Variants in ALDH9A1 observed in about 807,000 individuals in gnomAD.
The protein encoded by ALDH9A1 is aldehyde dehydrogenase 9 family member A1, also known as 4-trimethylaminobutyraldehyde dehydrogenase.
In ALDH9A1, 42 loss-of-function variants were observed where a neutral mutation model predicts 56.6. The ratio of observed to expected loss-of-function variants is 0.74; its 90% CI spans 0.58 to 0.96. ALDH9A1 has a LOEUF of 0.96. Among genes scored for constraint, ALDH9A1 ranks in the 40% least tolerant of loss-of-function variants. The pLI, the probability that ALDH9A1 is intolerant of heterozygous loss-of-function variation, is 0.00. For synonymous variants in ALDH9A1, 242 were observed against 236.0 expected (o/e 1.03, Z -0.23); for missense variants, 661 against 651.5 (o/e 1.01, Z -0.16).
At position 165,683,036 on chromosome 1, in the gene ALDH9A1, A is replaced by ATCG; in HGVS notation, c.401_402insCGA (p.Asp135dup). 2 of 1,613,808 alleles carry ATCG rather than the reference A, an allele frequency of 1.2e-6. No individual in the cohort carries two copies. On this transcript the variant is annotated inframe_insertion, in exon 3 of 11. Transcript: ENST00000354775. ...ACTCCAGGCACTGCCAGGAAATGTC[A>ATCG]ATGTCCAAGCGGGCCTCAAAGATGG...
At chr1:165,697,109 C>T (rs182984440) in intron 1 of ALDH9A1, among the ~76,000 whole-genome samples, 134 of 152,292 alleles carry the variant, frequency 8.8e-4, no homozygotes, top group Non-Finnish European at 1.6e-3. Flanking sequence ...ATAAACACAA[C>T]ACAAAACCAA....
intron 3 of ALDH9A1, 121 bp from the exon 4 acceptor site, chr1:165,682,362 C>T (rs1649579062): frequency 9.6e-7 from 1 of 1,046,798 alleles, no homozygotes; most frequent in African/African-American, 1.6e-5. Flanking sequence ...CCCAATACAC[C>T]AGGCTCACCC....
intron 6 of ALDH9A1, among the ~76,000 whole-genome samples, chr1:165,675,061 A>G (rs888328214): frequency 5.3e-5 from 8 of 152,174 alleles, no homozygotes; most frequent in Non-Finnish European, 1.0e-4. Context: ...TGGGTGTGGT[A>G]GCGCATGCCT....
At chr1:165,682,935 T>A (rs761098383) in intron 3 of ALDH9A1, 46 bp downstream of exon 3, 2 of 1,600,624 alleles carry the variant, frequency 1.2e-6, no homozygotes, top group Non-Finnish European at 1.7e-6. Context: ...GGCCCTGCTC[T>A]TCTGCCTCAT....
chr1:165,673,623 G>A (rs189513568), intron 6 of ALDH9A1, among the ~76,000 whole-genome samples: 36 of 152,154 alleles, frequency 2.4e-4, no homozygotes, highest in African/African-American at 6.7e-4. Context: ...ACCTTTTGTC[G>A]GAACTCAGAG....
At chr1:165,696,318 C>G (rs1650082494) in intron 1 of ALDH9A1, among the ~76,000 whole-genome samples, 1 of 152,186 alleles carries the variant, frequency 6.6e-6, no homozygotes, top group Non-Finnish European at 1.5e-5. Flanking sequence ...CTGCCCTCTA[C>G]TATTTTACAG....
rs763984836 is a variant in ALDH9A1 at position 165,679,441 on chromosome 1, C to A, written c.930+1G>T. 3.1e-6 allele frequency: 5 copies of A among 1,614,008 alleles called. No individual in the cohort carries two copies. The East Asian group carries it at 8.9e-5, about 29-fold the overall frequency. On this transcript the variant is annotated splice_donor_variant, in intron 6 of 10. Coordinates refer to ENST00000354775, the MANE Select transcript of ALDH9A1 (RefSeq NM_000696.4). LOFTEE classifies it high-confidence loss of function. ...CACCTCTTCCAGGGACAGGTACATA[C>A]CTGGCCTTGTGTGAGGAAGTTGGCC...
At chr1:165,689,535 G>C (rs1649819468) in intron 2 of ALDH9A1, among the ~76,000 whole-genome samples, 1 of 152,200 alleles carries the variant, frequency 6.6e-6, no homozygotes, top group African/African-American at 2.4e-5. Context: ...ATGAATCTCA[G>C]AAGTTTAGGG....
intron 10 of ALDH9A1, among the ~76,000 whole-genome samples, chr1:165,664,455 A>G (rs1321704429): frequency 2.6e-5 from 4 of 152,244 alleles, no homozygotes; most frequent in Admixed American, 6.5e-5. Flanking sequence ...ATGTCTGACT[A>G]TAAAATGAAT....
chr1:165,684,934 T>G (rs1220663438), intron 2 of ALDH9A1, among the ~76,000 whole-genome samples: 1 of 152,136 alleles, frequency 6.6e-6, no homozygotes, highest in Non-Finnish European at 1.5e-5. Context: ...CAGAGAAAAT[T>G]CAGTTAATTA....
At chr1:165,683,905 T>C (rs1649630939) in intron 2 of ALDH9A1, among the ~76,000 whole-genome samples, 1 of 152,184 alleles carries the variant, frequency 6.6e-6, no homozygotes, top group African/African-American at 2.4e-5. Flanking sequence ...AAGTAGGCAG[T>C]TGCTATTATG....
In ALDH9A1 at chr1:165,662,955, A is replaced by T; in HGVS notation, c.*95T>A. ...CTTATACTGAACGCCAAAATTCTGG[A>T]TGTAAAATAACATTCAGTTGTACTG... On this transcript the variant is annotated 3_prime_UTR_variant, in exon 11 of 11. Transcript: ENST00000354775. 1.8e-6 allele frequency: 2 copies of T among 1,112,560 alleles called. No homozygotes were observed. Among genetic ancestry groups the T allele is most frequent in the Non-Finnish European group, 2.7e-6 (2 of 730,408 alleles). 68.9% of individuals were successfully genotyped at this position (1,112,560 alleles called of 1,614,324 possible). A position where few individuals can be genotyped will look rare whatever the true frequency, so the allele number is the denominator to read the frequency against.
In ALDH9A1 at chr1:165,680,612, C is replaced by T. The variant is rs1159112109; in HGVS notation, c.664G>A (p.Glu222Lys). The T allele has an allele frequency of 6.2e-7, 1 of 1,614,152 alleles. No homozygotes were observed. Among genetic ancestry groups the T allele is most frequent in the Non-Finnish European group, 8.5e-7 (1 of 1,180,018 alleles). Residue 222 changes from glutamate to lysine, a missense_variant, in exon 5 of 11, where the codon GAG becomes AAG. Glu to Lys is a moderately conservative substitution (Grantham distance 56). Coordinates refer to ENST00000354775, the MANE Select transcript of ALDH9A1 (RefSeq NM_000696.4). ...AAGAGCCCAGGAGGTACACCAGCCT[C>T]ACTGTAGATTTCAGCCAGTAGCAAT... ...SALLLAEIYS[E>K]AGVPPGLFNV...
chr1:165,676,889 T>C (rs1335829415), intron 6 of ALDH9A1: 1 of 242,196 alleles, frequency 4.1e-6, no homozygotes, highest in Non-Finnish European at 7.9e-6. Flanking sequence ...AAAGCAGATT[T>C]TAATTGTGTC....
intron 6 of ALDH9A1, among the ~76,000 whole-genome samples, chr1:165,674,110 C>A (rs2101740947): frequency 6.6e-6 from 1 of 152,112 alleles, no homozygotes. Flanking sequence ...ACATACCCAT[C>A]AGCACCATGA....
intron 1 of ALDH9A1, among the ~76,000 whole-genome samples, chr1:165,695,885 C>T (rs1412754625): frequency 6.8e-6 from 1 of 147,458 alleles, no homozygotes; most frequent in Admixed American, 6.8e-5. Flanking sequence ...GAGTCTCGCT[C>T]TTGTTACCCA....
chr1:165,694,973 A>AAT (rs1650021164), intron 2 of ALDH9A1, among the ~76,000 whole-genome samples: 1 of 151,850 alleles, frequency 6.6e-6, no homozygotes, highest in Admixed American at 6.6e-5. Context: ...AAAAAAAATA[A>AAT]AAATAAAAAA....
chr1:165,679,628 A>G (rs1173748460), intron 5 of ALDH9A1, 46 bp from the exon 6 acceptor site: 19 of 1,606,822 alleles, frequency 1.2e-5, no homozygotes, highest in Non-Finnish European at 1.6e-5. Flanking sequence ...CACAAATTAT[A>G]TTGCATGCTA....
intron 2 of ALDH9A1, among the ~76,000 whole-genome samples, chr1:165,684,966 CTG>C (rs1181360193): frequency 6.6e-6 from 1 of 150,504 alleles, no homozygotes; most frequent in Non-Finnish European, 1.5e-5. Context: ...GAAATTTTTT[CTG>C]TGTTATTCTA....
Sources: allele counts gnomAD v4.1 joint callset (sites outside exome capture counted in the v4.1 genomes callset), GRCh38; gene constraint gnomAD v4.1.1; transcripts MANE v1.5; gene names NCBI Gene and HGNC (gene_info 2026-07-23, HGNC 2026-07-21).